HSP90AA1: variants seen among roughly 807,000 people sequenced by gnomAD.
HSP90AA1 encodes heat shock protein 90 alpha family class A member 1.
HSP90AA1 carries 18 observed loss-of-function variants against 73.3 expected under a neutral mutation model. That is an observed-to-expected ratio of 0.25 (90% CI 0.17 to 0.36). The LOEUF is 0.36. Ranked by LOEUF, HSP90AA1 falls within the 10% of genes least tolerant of loss-of-function variation. The probability of loss-of-function intolerance (pLI) is 1.00; values close to 1 mark genes in which losing one functional copy is unlikely to be tolerated. For synonymous variants in HSP90AA1, 477 were observed against 296.9 expected, an observed-to-expected ratio of 1.61 and a Z score of -6.24; for missense variants, 704 against 874.2, an observed-to-expected ratio of 0.81 and a Z score of 2.45.
chr14:102,124,791 T>C (rs1396241058), intron 1 of HSP90AA1, among the ~76,000 whole-genome samples: 1 of 152,224 alleles, frequency 6.6e-6, no homozygotes, highest in African/African-American at 2.4e-5. Context: ...TTAAAACTTT[T>C]ATGTACTATA....
intron 1 of HSP90AA1, among the ~76,000 whole-genome samples, chr14:102,126,086 C>T (rs1235644171): frequency 6.6e-6 from 1 of 152,104 alleles, no homozygotes; most frequent in African/African-American, 2.4e-5. Context: ...CAGGGAAAGC[C>T]TCTCTGAGAA....
At chr14:102,136,812 C>T (rs1269578646) in intron 1 of HSP90AA1, among the ~76,000 whole-genome samples, 1 of 149,750 alleles carries the variant, frequency 6.7e-6, no homozygotes, top group Non-Finnish European at 1.5e-5. Flanking sequence ...CGTTTGAATC[C>T]GGGAGGCAGA....
chr14:102,081,738 TGTC>T lies in HSP90AA1; in HGVS notation c.2170_2172del (p.Asp724del), dbSNP rs749142883. The T allele has an allele frequency of 4.5e-6, 7 of 1,565,722 alleles. No individual in the cohort carries two copies. In the East Asian group the frequency reaches 6.7e-5, roughly 15 times the overall value. ...TAGTCTACTTCTTCCATGCGTGATG[TGTC>T]GTCATCTCCTTCAAGGGGTGGCATT... On this transcript the variant is annotated inframe_deletion, in exon 11 of 11. Transcript: ENST00000216281.
intron 1 of HSP90AA1, among the ~76,000 whole-genome samples, chr14:102,122,408 G>A (rs1012470758): frequency 6.6e-6 from 1 of 151,412 alleles, no homozygotes; most frequent in Non-Finnish European, 1.5e-5. Context: ...AGCCTCCCGA[G>A]TAGCTGGGAC....
exon 1 of HSP90AA1, chr14:102,139,412 C>T (rs1410174653): frequency 1.9e-6 from 3 of 1,550,444 alleles, no homozygotes; most frequent in Admixed American, 2.0e-5. Flanking sequence ...CATCCGCGCT[C>T]CCCGTAGGGT....
upstream of HSP90AA1, among the ~76,000 whole-genome samples, chr14:102,091,870 T>C (rs1462619967): frequency 6.6e-6 from 1 of 152,008 alleles, no homozygotes; most frequent in Non-Finnish European, 1.5e-5. Context: ...TAAGGAGTCC[T>C]CCCACTGTGG....
intron 1 of HSP90AA1, among the ~76,000 whole-genome samples, chr14:102,111,572 C>G (rs972610297): frequency 1.3e-5 from 2 of 152,234 alleles, no homozygotes; most frequent in African/African-American, 4.8e-5. Flanking sequence ...CAAAGCATAT[C>G]CTTTCACAGC....
chr14:102,081,668 G>T lies in HSP90AA1; in HGVS notation c.*44C>A, dbSNP rs748749956. On this transcript the variant is annotated 3_prime_UTR_variant, in exon 11 of 11. Coordinates refer to ENST00000216281, the MANE Select transcript of HSP90AA1 (RefSeq NM_005348.4). The stretch of plus-strand genomic sequence containing the variant: ...CATCCTTGAAAATATATTATCAGAG[G>T]AATTGTAGAGTACTGAACAGGTAAG... 26 of 840,720 alleles carry T rather than the reference G, an allele frequency of 3.1e-5. No homozygotes were observed. The highest frequency in any genetic ancestry group is 5.5e-5 in the Non-Finnish European group (26 of 473,250). 52.1% of individuals were successfully genotyped at this position (840,720 alleles called of 1,614,324 possible).
chr14:102,095,133 T>C (rs1335515013), intron 2 of HSP90AA1, among the ~76,000 whole-genome samples: 1 of 152,088 alleles, frequency 6.6e-6, no homozygotes, highest in African/African-American at 2.4e-5. Context: ...AACAGGATGC[T>C]GGGAACATGA....
chr14:102,098,050 GC>G (rs1476669857), intron 2 of HSP90AA1, among the ~76,000 whole-genome samples: 1 of 152,198 alleles, frequency 6.6e-6, no homozygotes, highest in South Asian at 2.1e-4. Context: ...CCTTCCGGAT[GC>G]CTTCCCTCCC....
chr14:102,087,147 C>T, upstream of HSP90AA1: 1 of 983,926 alleles, frequency 1.0e-6, no homozygotes, highest in Non-Finnish European at 1.2e-6. Context: ...CCTCCCCAGC[C>T]GCCGCCGCGG....
upstream of HSP90AA1, among the ~76,000 whole-genome samples, chr14:102,087,931 GTTTTTTTTTTTTTTTTTTTC>G (rs890589492): frequency 3.6e-5 from 4 of 109,808 alleles, 1 homozygote; most frequent in South Asian, 6.5e-4. Flanking sequence ...GCCCTAAAAG[GTTTTTTTTTTTTTTTTTTTC>G]TTTTTTTTTT....
chr14:102,134,077 G>A (rs2049945293), intron 1 of HSP90AA1, among the ~76,000 whole-genome samples: 1 of 151,886 alleles, frequency 6.6e-6, no homozygotes. Flanking sequence ...CTTCAACCTG[G>A]GAGACAGAGG....
Position 102,086,023 on chromosome 14 carries a change from A to G in HSP90AA1, c.264T>C (p.Thr88=). The change falls in exon 3 of 11, where the codon ACT becomes ACC. Residue 88 remains threonine (T), a synonymous_variant. Coordinates refer to ENST00000216281, the MANE Select transcript of HSP90AA1 (RefSeq NM_005348.4). The part of the protein sequence containing the change: ...INLIPNKQDR[T]LTIVDTGIGM... ...CAATTCCAGTATCCACAATAGTGAG[A>G]GTTCGATCTTGTTTGTTCGGTATAA... 1 of 1,613,946 alleles carries G rather than the reference A, an allele frequency of 6.2e-7. No homozygotes were observed. The highest frequency in any genetic ancestry group is 8.5e-7 in the Non-Finnish European group (1 of 1,179,850).
rs190339884 is a variant in HSP90AA1, at chr14:102,106,306, G to A, written c.156-4221C>T. ...AGTTTTTCACTATTTTCATAACAAT[G>A]GATATCAAAATCCATTTTTTGATCA... is the stretch of plus-strand genomic sequence containing the variant. On this transcript the variant is annotated intron_variant, in intron 1 of 11. Coordinates refer to the HSP90AA1 transcript ENST00000334701. 1.8e-3 allele frequency among the ~76,000 whole-genome samples: 280 copies of A among 152,176 alleles called. 2 individuals carry two copies. The highest frequency in any genetic ancestry group is 2.9e-3 in the Non-Finnish European group (194 of 68,008).
At position 102,127,396 on chromosome 14, in the gene HSP90AA1, G is replaced by A. The variant is rs920432921; in HGVS notation, c.155+11854C>T. ...AATTTGAATTCAGTTCTAACATACTGTAATAATTCAATTAGTTCTGTGACT... is the reference window on the plus strand; with the variant it reads ...AATTTGAATTCAGTTCTAACATACTATAATAATTCAATTAGTTCTGTGACT... On this transcript the variant is annotated intron_variant, in intron 1 of 11. Transcript: ENST00000334701. Among the ~76,000 whole-genome samples, 34 of 152,172 alleles carry A rather than the reference G, an allele frequency of 2.2e-4. 1 individual carries two copies. The highest frequency in any genetic ancestry group is 1.8e-3 in the Admixed American group (27 of 15,270).
At chr14:102,123,768 C>T (rs2049807860) in intron 1 of HSP90AA1, among the ~76,000 whole-genome samples, 1 of 152,058 alleles carries the variant, frequency 6.6e-6, no homozygotes, top group Non-Finnish European at 1.5e-5. Flanking sequence ...ATTAAAGGCA[C>T]CCCCCACTTC....
chr14:102,085,356 C>G lies in HSP90AA1; in HGVS notation c.605G>C (p.Arg202Thr), dbSNP rs775305056. Residue 202 changes from arginine to threonine, a missense_variant, in exon 4 of 11, where the codon AGA (arginine) becomes ACA (threonine). Arg to Thr is a moderately conservative substitution (Grantham distance 71). Coordinates refer to ENST00000216281, the MANE Select transcript of HSP90AA1 (RefSeq NM_005348.4). ...ATGTTTCTTCACAATCTCCTTTATT[C>G]TTCGTTCCTCCAAGTACTCAGTTTG... ...EDQTEYLEER[R>T]IKEIVKKHSQ... The G allele has an allele frequency of 6.2e-7, 1 of 1,612,588 alleles. No homozygotes were observed.
intron 2 of HSP90AA1, among the ~76,000 whole-genome samples, chr14:102,095,019 T>C (rs1038932390): frequency 1.3e-5 from 2 of 152,050 alleles, no homozygotes; most frequent in African/African-American, 2.4e-5. Context: ...CAGGGGAACA[T>C]AGGGCTCAGG....
Sources: allele counts gnomAD v4.1 joint callset (sites outside exome capture counted in the v4.1 genomes callset), GRCh38; gene constraint gnomAD v4.1.1; transcripts MANE v1.5; gene names NCBI Gene and HGNC (gene_info 2026-07-23, HGNC 2026-07-21).